Variants in MAGI2 observed in about 807,000 individuals in gnomAD.
The protein encoded by MAGI2 is membrane-associated guanylate kinase, WW and PDZ domain-containing protein 2.
MAGI2 carries 35 observed loss-of-function variants against 133.3 expected under a neutral mutation model. The observed-to-expected ratio is 0.26, with a 90% CI of 0.20 to 0.35. MAGI2 has a LOEUF of 0.35. Among genes scored for constraint, MAGI2 ranks in the 10% least tolerant of loss-of-function variants. The pLI, the probability that MAGI2 is intolerant of heterozygous loss-of-function variation, is 1.00. For synonymous variants in MAGI2, 729 were observed against 710.6 expected (o/e 1.03, Z -0.41); for missense variants, 1,636 against 1,863.4 (o/e 0.88, Z 2.25).
At chr7:78,416,170 A>G (rs1480509394) in intron 6 of MAGI2, among the ~76,000 whole-genome samples, 3 of 152,276 alleles carry the variant, frequency 2.0e-5, no homozygotes, top group African/African-American at 4.8e-5. Context: ...TGAAGTGAAT[A>G]TGTTGGAACA....
intron 2 of MAGI2, among the ~76,000 whole-genome samples, chr7:78,774,498 G>A (rs966819417): frequency 2.0e-5 from 3 of 152,106 alleles, no homozygotes; most frequent in African/African-American, 7.2e-5. Context: ...GATTCTTCCT[G>A]TCTCTTATCC....
In MAGI2 at chr7:79,185,516, A is replaced by ATTT. The variant is rs71095383; in HGVS notation, c.302-178313_302-178311dup. 7.2e-3 allele frequency among the ~76,000 whole-genome samples: 917 copies of ATTT among 126,586 alleles called. 8 individuals are homozygous for ATTT. The highest frequency in any genetic ancestry group is 0.01 in the Non-Finnish European group (606 of 58,470). The allele number at this position is 126,586 out of a possible 152,430, so 83.0% of individuals were successfully genotyped here. On this transcript the variant is annotated intron_variant, in intron 1 of 21. Coordinates refer to ENST00000354212, the MANE Select transcript of MAGI2 (RefSeq NM_012301.4). ...GTGGCAGTTGGTTACCAATTTGGTCATTTTTTTTTTTTTTTTTTTGTAGTC... is the reference window on the plus strand; with the variant it reads ...GTGGCAGTTGGTTACCAATTTGGTCATTTTTTTTTTTTTTTTTTTTTTGTAGTC...
chr7:78,964,082 T>G (rs1803097016), intron 2 of MAGI2, among the ~76,000 whole-genome samples: 1 of 151,970 alleles, frequency 6.6e-6, no homozygotes, highest in Non-Finnish European at 1.5e-5. Context: ...GAAGGGTTAT[T>G]TAGTTTAGCC....
chr7:78,944,778 C>A (rs1801278963), intron 2 of MAGI2, among the ~76,000 whole-genome samples: 1 of 151,848 alleles, frequency 6.6e-6, no homozygotes, highest in Non-Finnish European at 1.5e-5. Context: ...GCTCTGCTGT[C>A]CAGGCTGGAG....
At chr7:79,350,401 T>G (rs917805497) in intron 1 of MAGI2, among the ~76,000 whole-genome samples, 1 of 152,146 alleles carries the variant, frequency 6.6e-6, no homozygotes, top group African/African-American at 2.4e-5. Context: ...ACAGAATTTA[T>G]TTTAGTCTTT....
intron 2 of MAGI2, among the ~76,000 whole-genome samples, chr7:78,809,359 T>C (rs1395861331): frequency 1.3e-5 from 2 of 152,212 alleles, no homozygotes; most frequent in Non-Finnish European, 2.9e-5. Context: ...TGTGCTTCCA[T>C]GTGGAGGGCC....
chr7:79,190,886 T>C (rs116974528), intron 1 of MAGI2, among the ~76,000 whole-genome samples: 4,373 of 151,934 alleles, frequency 0.029, 109 homozygotes, highest in Middle Eastern at 0.044. Flanking sequence ...AGATGTTTTA[T>C]TCTTTAATAG....
intron 1 of MAGI2, among the ~76,000 whole-genome samples, chr7:79,354,801 T>A (rs1841914247): frequency 6.6e-6 from 1 of 152,170 alleles, no homozygotes; most frequent in Admixed American, 6.5e-5. Flanking sequence ...TCAGGGTGCC[T>A]TAAAGGCATT....
At chr7:78,572,159 T>G (rs1387305802) in intron 3 of MAGI2, among the ~76,000 whole-genome samples, 1 of 152,160 alleles carries the variant, frequency 6.6e-6, no homozygotes, top group Non-Finnish European at 1.5e-5. Context: ...TTGCTGCTTG[T>G]GGTCATTTCG....
intron 2 of MAGI2, among the ~76,000 whole-genome samples, chr7:78,837,573 A>T (rs570375849): frequency 5.3e-5 from 8 of 152,280 alleles, no homozygotes; most frequent in African/African-American, 1.4e-4. Flanking sequence ...AAAAGGAACT[A>T]ACCAGTATAT....
intron 21 of MAGI2, among the ~76,000 whole-genome samples, chr7:78,029,114 G>A (rs1809287049): frequency 6.6e-6 from 1 of 152,120 alleles, no homozygotes; most frequent in Admixed American, 6.5e-5. Context: ...ACAGTGCACT[G>A]TAGTAAACAT....
intron 1 of MAGI2, among the ~76,000 whole-genome samples, chr7:79,171,770 A>ATATATTT: frequency 3.2e-5 from 1 of 31,220 alleles, no homozygotes; most frequent in Non-Finnish European, 1.1e-4. Flanking sequence ...ATATATATAT[A>ATATATTT]TTTTTTTTTT....
chr7:78,233,469 G>T (rs1289877563), intron 10 of MAGI2, among the ~76,000 whole-genome samples: 1 of 152,098 alleles, frequency 6.6e-6, no homozygotes, highest in East Asian at 1.9e-4. Context: ...AGGATGAGAG[G>T]TGCAAGGCAG....
chr7:79,447,236 G>A (rs1440810935), intron 1 of MAGI2, among the ~76,000 whole-genome samples: 1 of 152,174 alleles, frequency 6.6e-6, no homozygotes, highest in East Asian at 1.9e-4. Flanking sequence ...ATGTCCCTAT[G>A]CAAGTCTTTA....
intron 20 of MAGI2, among the ~76,000 whole-genome samples, chr7:78,098,239 T>C (rs776112275): frequency 6.6e-6 from 1 of 152,128 alleles, no homozygotes; most frequent in Non-Finnish European, 1.5e-5. Flanking sequence ...ATTCTGTAAT[T>C]GATGAGTGTC....
intron 1 of MAGI2, among the ~76,000 whole-genome samples, chr7:79,434,407 T>G (rs1563220408): frequency 6.6e-6 from 1 of 152,118 alleles, no homozygotes; most frequent in Non-Finnish European, 1.5e-5. Context: ...AGTTTCAGTG[T>G]AAGGACAAAA....
intron 1 of MAGI2, among the ~76,000 whole-genome samples, chr7:79,214,761 T>C (rs963719087): frequency 7.1e-6 from 1 of 141,516 alleles, no homozygotes; most frequent in African/African-American, 2.6e-5. Context: ...ACATATATGA[T>C]ATATAAATAG....
intron 2 of MAGI2, among the ~76,000 whole-genome samples, chr7:78,652,907 G>C (rs1276830428): frequency 2.7e-5 from 4 of 150,806 alleles, no homozygotes; most frequent in East Asian, 2.0e-4. Context: ...CTAATATCCA[G>C]AATCTACAAA....
At chr7:79,011,087 A>G (rs965267577) in intron 1 of MAGI2, 5 of 152,154 alleles carry the variant, frequency 3.3e-5, no homozygotes, top group African/African-American at 1.2e-4. Flanking sequence ...TGAAGCTCAC[A>G]CAAAGAGTAT....
Sources: allele counts gnomAD v4.1 joint callset (sites outside exome capture counted in the v4.1 genomes callset), GRCh38; gene constraint gnomAD v4.1.1; transcripts MANE v1.5; gene names NCBI Gene and HGNC (gene_info 2026-07-23, HGNC 2026-07-21).